ME1: variants seen among roughly 807,000 people sequenced by gnomAD.
ME1 encodes the protein NADP-dependent malic enzyme.
Under a neutral mutation model 66.4 loss-of-function variants are expected in ME1, and 74 were observed. The observed-to-expected ratio is 1.11, with a 90% confidence interval of 0.92 to 1.35. The LOEUF is 1.35. ME1 is among the 40% of genes most tolerant of loss of function. ME1 has a pLI of 0.00. For synonymous variants in ME1, 251 were observed against 235.6 expected, an observed-to-expected ratio of 1.07 and a Z score of -0.60; for missense variants, 750 against 694.1, an observed-to-expected ratio of 1.08 and a Z score of -0.90.
chr6:83,322,232 C>A (rs1768193647), intron 5 of ME1, among the ~76,000 whole-genome samples: 1 of 152,058 alleles, frequency 6.6e-6, no homozygotes, highest in Admixed American at 6.5e-5. Context: ...TTCCAAAAAC[C>A]AGAATAACTC....
chr6:83,316,989 G>A (rs1768048101), intron 5 of ME1, among the ~76,000 whole-genome samples: 1 of 152,058 alleles, frequency 6.6e-6, no homozygotes, highest in South Asian at 2.1e-4. Flanking sequence ...GACACCTTCA[G>A]TAACCTAGAA....
chr6:83,356,572 G>C (rs1245285871), intron 3 of ME1, among the ~76,000 whole-genome samples: 1 of 152,046 alleles, frequency 6.6e-6, no homozygotes, highest in East Asian at 1.9e-4. Context: ...CACAATAAAA[G>C]AATAAGGTGA....
chr6:83,258,499 A>G (rs980887812), intron 6 of ME1, among the ~76,000 whole-genome samples: 3 of 152,234 alleles, frequency 2.0e-5, no homozygotes, highest in Admixed American at 1.3e-4. Flanking sequence ...TGATCAAAAT[A>G]CCACATAAAA....
At chr6:83,298,842 G>GT (rs1291357890) in intron 6 of ME1, among the ~76,000 whole-genome samples, 1 of 145,258 alleles carries the variant, frequency 6.9e-6, no homozygotes, top group Non-Finnish European at 1.5e-5. Flanking sequence ...CCATTGCTTG[G>GT]TTTTGTCAGG....
chr6:83,265,271 G>T (rs1289415311), intron 6 of ME1, among the ~76,000 whole-genome samples: 1 of 151,998 alleles, frequency 6.6e-6, no homozygotes, highest in Non-Finnish European at 1.5e-5. Context: ...CTACAGTATA[G>T]TGTAAACACA....
In ME1 at chr6:83,212,058, CTG is replaced by C; in HGVS notation, c.1583_1584del (p.Thr528SerfsTer4). The C allele has an allele frequency of 6.2e-7, 1 of 1,609,714 alleles. No individual in the cohort carries two copies. Among genetic ancestry groups the C allele is most frequent in the Non-Finnish European group, 8.5e-7 (1 of 1,177,304 alleles). ...TCTTTGTTTTGCGGTTCAGGATAAA[CTG>C]TGGCTGTCTTTTCTTGGTATGCATC... ...VKDAYQEKTA[T>X]VYPEPQNKEA... On this transcript the variant is annotated frameshift_variant, in exon 14 of 14. Coordinates refer to ENST00000369705, the MANE Select transcript of ME1 (RefSeq NM_002395.6). LOFTEE classifies it high-confidence loss of function.
At chr6:83,242,490 A>T (rs563407566) in intron 7 of ME1, among the ~76,000 whole-genome samples, 3 of 152,260 alleles carry the variant, frequency 2.0e-5, no homozygotes, top group East Asian at 3.9e-4. Context: ...TATCTAGGCA[A>T]AGGTCAAGGC....
intron 3 of ME1, among the ~76,000 whole-genome samples, chr6:83,364,389 C>G (rs1769060659): frequency 6.6e-6 from 1 of 151,566 alleles, no homozygotes; most frequent in African/African-American, 2.4e-5. Context: ...TTAATAAACT[C>G]CCCTATATAT....
chr6:83,365,941 G>T (rs998551367), intron 3 of ME1, among the ~76,000 whole-genome samples: 1 of 152,066 alleles, frequency 6.6e-6, no homozygotes, highest in Non-Finnish European at 1.5e-5. Context: ...TAGTCTCTTT[G>T]TTTCTGCTTA....
intron 6 of ME1, among the ~76,000 whole-genome samples, chr6:83,270,112 C>T (rs1045628740): frequency 6.6e-6 from 1 of 151,944 alleles, no homozygotes; most frequent in Non-Finnish European, 1.5e-5. Flanking sequence ...GGTGCTGCAG[C>T]AAGGGGTGGG....
rs561996967 is a variant in ME1 at position 83,401,639 on chromosome 6, C to A, written c.213-3123G>T. On this transcript the variant is annotated intron_variant, in intron 2 of 13. Transcript: ENST00000369705. ...ATACACGTCGGACAAACTGAGTCAG[C>A]CTTTTTGCCCAGCCACCCCATCACA... Among the ~76,000 whole-genome samples the A allele has an allele frequency of 2.6e-5, 4 of 152,288 alleles. No homozygotes were observed. In the East Asian group the frequency reaches 5.8e-4, roughly 22 times the overall value.
intron 1 of ME1, among the ~76,000 whole-genome samples, chr6:83,408,285 T>C (rs1194429230): frequency 2.0e-5 from 3 of 152,198 alleles, no homozygotes; most frequent in Non-Finnish European, 4.4e-5. Flanking sequence ...AAGTCACCTG[T>C]GACCTGCTGT....
chr6:83,393,005 G>A (rs1054770620), intron 3 of ME1: 18 of 1,013,744 alleles, frequency 1.8e-5, no homozygotes, highest in Non-Finnish European at 2.6e-5. Flanking sequence ...ACGGCCATGG[G>A]GCTCTCCAGA....
At chr6:83,308,177 T>C (rs1767860100) in intron 6 of ME1, among the ~76,000 whole-genome samples, 3 of 152,138 alleles carry the variant, frequency 2.0e-5, no homozygotes, top group African/African-American at 7.2e-5. Flanking sequence ...GCAGCCAAGG[T>C]TGAAGGAGGG....
chr6:83,423,703 G>A (rs1770314708), intron 1 of ME1, among the ~76,000 whole-genome samples: 2 of 152,072 alleles, frequency 1.3e-5, no homozygotes. Flanking sequence ...GGAAGCTAAG[G>A]TGGGAGGATT....
At chr6:83,257,400 T>C (rs145012290) in intron 6 of ME1, among the ~76,000 whole-genome samples, 63 of 152,188 alleles carry the variant, frequency 4.1e-4, no homozygotes, top group African/African-American at 1.3e-3. Flanking sequence ...AAAATAAGTC[T>C]ACTTCTAGCA....
chr6:83,261,608 G>A (rs1488239442), intron 6 of ME1, among the ~76,000 whole-genome samples: 2 of 152,062 alleles, frequency 1.3e-5, no homozygotes, highest in Non-Finnish European at 1.5e-5. Flanking sequence ...AAGTGAGGAG[G>A]TAAGGTAGCC....
chr6:83,322,250 C>T (rs201737555), intron 5 of ME1, among the ~76,000 whole-genome samples: 1 of 152,098 alleles, frequency 6.6e-6, no homozygotes, highest in East Asian at 1.9e-4. Context: ...CTCTTCTCCT[C>T]CAAAGGATCA....
chr6:83,264,057 C>T (rs559043387), intron 6 of ME1, among the ~76,000 whole-genome samples: 2 of 152,258 alleles, frequency 1.3e-5, no homozygotes, highest in South Asian at 2.1e-4. Context: ...TAGGCTGACA[C>T]CCTTGTTAAG....
Sources: gnomAD v4.1 joint callset for allele counts (sites outside exome capture counted in the v4.1 genomes callset) on GRCh38, gnomAD v4.1.1 for gene constraint, MANE v1.5 for transcripts, NCBI Gene and HGNC (gene_info 2026-07-23, HGNC 2026-07-21) for gene names.